ANKRD46: variants seen among roughly 807,000 people sequenced by gnomAD.
The protein encoded by ANKRD46 is ankyrin repeat domain 46.
Under a neutral mutation model 19.8 loss-of-function variants are expected in ANKRD46, and 13 were observed. That is an observed-to-expected ratio of 0.66 (90% confidence interval 0.43 to 1.04). The LOEUF is 1.04. Ranked by LOEUF, ANKRD46 falls within the 50% of genes least tolerant of loss-of-function variation. The probability of loss-of-function intolerance (pLI) is 0.00; values close to 1 mark genes in which losing one functional copy is unlikely to be tolerated. For missense variants in ANKRD46, 185 were observed against 274.8 expected (o/e 0.67, Z 2.31); for synonymous variants, 91 against 106.9 (o/e 0.85, Z 0.92).
chr8:100,552,769 C>T (rs1563493475), intron 1 of ANKRD46, among the ~76,000 whole-genome samples: 1 of 152,182 alleles, frequency 6.6e-6, no homozygotes, highest in East Asian at 1.9e-4. Flanking sequence ...AGCAAGTATA[C>T]AGAGTGAGGC....
intron 1 of ANKRD46, among the ~76,000 whole-genome samples, chr8:100,540,411 A>G (rs1160827701): frequency 6.6e-6 from 1 of 152,210 alleles, no homozygotes; most frequent in East Asian, 1.9e-4. Context: ...TCTAGCACAC[A>G]TAAGCCAAAT....
intron 1 of ANKRD46, among the ~76,000 whole-genome samples, chr8:100,558,269 A>G (rs1812539923): frequency 6.6e-6 from 1 of 152,212 alleles, no homozygotes; most frequent in Non-Finnish European, 1.5e-5. Context: ...AAAATTCCTT[A>G]TCACTTCACA....
Position 100,521,012 on chromosome 8 carries a change from T to C in ANKRD46, c.*1543A>G. 1 of 985,286 alleles carries C rather than the reference T, an allele frequency of 1.0e-6. No homozygotes were observed. The allele number at this position is 985,286 out of a possible 1,614,324, so 61.0% of individuals were successfully genotyped here. A position where few individuals can be genotyped will look rare whatever the true frequency, so the allele number is the denominator to read the frequency against. Reference sequence around the variant, plus strand: ...GTGTTCTCCATTCCAAAGCCAGCTGTTTTTTGCTGGATTTACACCAACTAT... The same window carrying C: ...GTGTTCTCCATTCCAAAGCCAGCTGCTTTTTGCTGGATTTACACCAACTAT... On this transcript the variant is annotated 3_prime_UTR_variant, in exon 5 of 5. Transcript: ENST00000335659.
rs1027862629 is a variant in ANKRD46 at position 100,510,627 on chromosome 8, TCA to T, written c.647_648del (p.Leu216GlnfsTer63). 4.4e-5 allele frequency: 68 copies of T among 1,534,700 alleles called. No individual in the cohort carries two copies. The highest frequency in any genetic ancestry group is 5.7e-5 in the Non-Finnish European group (65 of 1,146,314). ...TCTTGCCTTGCAAAGCTTCCAAGCC[TCA>T]GTGTCCTTCTCTGTAAATGTGGGGA... On this transcript the variant is annotated frameshift_variant, in exon 6 of 6. Coordinates refer to the ANKRD46 transcript ENST00000520552. LOFTEE classifies it low-confidence loss of function (END_TRUNC). The surrounding 1 kb of genome is among the most constrained non-coding windows in gnomAD (Gnocchi z 4.9).
chr8:100,526,070 A>G (rs1045216116), intron 4 of ANKRD46, among the ~76,000 whole-genome samples: 24 of 152,240 alleles, frequency 1.6e-4, no homozygotes, highest in Admixed American at 1.3e-4. Context: ...TAGGAAAACT[A>G]GGTAATAAAA....
At position 100,529,826 on chromosome 8, in the gene ANKRD46, T is replaced by TA. The variant is rs1426489763; in HGVS notation, c.7dup (p.Tyr3LeufsTer6). 1 of 1,613,996 alleles carries TA rather than the reference T, an allele frequency of 6.2e-7. No individual in the cohort carries two copies. The highest frequency in any genetic ancestry group is 2.2e-5 in the East Asian group (1 of 44,892). ...CTGAGAAGAATCATTTACAAAAACA[T>TA]ACGACATTGTTCTGATGTGGTGGAT... On this transcript the variant is annotated frameshift_variant, in exon 3 of 5. Coordinates refer to ENST00000335659, the MANE Select transcript of ANKRD46 (RefSeq NM_001270377.2). LOFTEE classifies it high-confidence loss of function. The surrounding 1 kb of genome is among the most constrained non-coding windows in gnomAD (Gnocchi z 5.8).
rs1812059075 is a variant in ANKRD46, at chr8:100,536,056, C to G, written c.-130-2745G>C. On this transcript the variant is annotated intron_variant, in intron 1 of 4. Transcript: ENST00000335659. The surrounding 1 kb of genome is among the most constrained non-coding windows in gnomAD (Gnocchi z 4.9). Reference sequence around the variant, plus strand: ...GGTGTCAGGTTATTTATGGAAGAACCTGTAGGACCAAGCATTTGCAAGGGC... The same window carrying G: ...GGTGTCAGGTTATTTATGGAAGAACGTGTAGGACCAAGCATTTGCAAGGGC... Among the ~76,000 whole-genome samples, 1 of 151,794 alleles carries G rather than the reference C, an allele frequency of 6.6e-6. No individual in the cohort carries two copies. Among genetic ancestry groups the G allele is most frequent in the South Asian group, 2.1e-4 (1 of 4,788 alleles).
chr8:100,522,960 C>T (rs1388654276), intron 4 of ANKRD46, among the ~76,000 whole-genome samples, 189 bp from the exon 5 acceptor site: 1 of 150,818 alleles, frequency 6.6e-6, no homozygotes, highest in Non-Finnish European at 1.5e-5. Context: ...ATATACTAAA[C>T]TGTAAATTGC....
At chr8:100,552,377 G>A (rs1443180280) in intron 1 of ANKRD46, among the ~76,000 whole-genome samples, 1 of 148,520 alleles carries the variant, frequency 6.7e-6, no homozygotes, top group Admixed American at 6.7e-5. Flanking sequence ...ACTATACTTT[G>A]GCGCTTTTTT....
chr8:100,513,081 G>A (rs997689805), intron 5 of ANKRD46, among the ~76,000 whole-genome samples: 2 of 152,176 alleles, frequency 1.3e-5, no homozygotes, highest in African/African-American at 4.8e-5. Context: ...TGATAATGTA[G>A]TTATACTTCC....
chr8:100,547,609 AAG>A (rs1812298399), intron 1 of ANKRD46, among the ~76,000 whole-genome samples: 2 of 152,170 alleles, frequency 1.3e-5, no homozygotes, highest in Admixed American at 6.5e-5. Context: ...GCAACAGAGT[AAG>A]ACCTTGTCTC....
downstream of ANKRD46, among the ~76,000 whole-genome samples, chr8:100,520,002 C>G (rs533502716): frequency 3.3e-5 from 5 of 152,310 alleles, no homozygotes; most frequent in African/African-American, 1.2e-4. Flanking sequence ...AGTCCCTGCT[C>G]TCATGAAGCT....
At chr8:100,516,367 T>C (rs1252851461), downstream of ANKRD46, among the ~76,000 whole-genome samples, 1 of 152,230 alleles carries the variant, frequency 6.6e-6, no homozygotes, top group African/African-American at 2.4e-5. Flanking sequence ...CAAGACTGCA[T>C]TTTGAATATG....
rs1450741849 is a variant in ANKRD46, at chr8:100,520,881, T to A, written c.*1674A>T. The stretch of plus-strand genomic sequence containing the variant: ...AGGAACCATTAATCTTTAAAAATGC[T>A]ATATACTTACATTTTGACCAATTTT... On this transcript the variant is annotated 3_prime_UTR_variant, in exon 5 of 5. Transcript: ENST00000335659. 1 of 983,682 alleles carries A rather than the reference T, an allele frequency of 1.0e-6. No individual in the cohort carries two copies. Among genetic ancestry groups the A allele is most frequent in the African/African-American group, 1.7e-5 (1 of 57,148 alleles). 60.9% of individuals were successfully genotyped at this position (983,682 alleles called of 1,614,324 possible).
At chr8:100,528,735 A>G (rs1475203173) in intron 3 of ANKRD46, among the ~76,000 whole-genome samples, 1 of 152,126 alleles carries the variant, frequency 6.6e-6, no homozygotes, top group Non-Finnish European at 1.5e-5. Context: ...ATCACATTAA[A>G]TCCTGCAGTC....
rs971840334 is a variant in ANKRD46 at position 100,536,562 on chromosome 8, C to T, written c.-130-3251G>A. On this transcript the variant is annotated intron_variant, in intron 1 of 4. Transcript: ENST00000335659. This position sits in a 1 kb window ranked among gnomAD's most constrained non-coding sequence, Gnocchi z 4.9. ...AAGAAAGCTTGCATACAGCACTGATCCCCTGGTAACAGAGCAGCTTCTGAT... is the reference window on the plus strand; with the variant it reads ...AAGAAAGCTTGCATACAGCACTGATTCCCTGGTAACAGAGCAGCTTCTGAT... 6.6e-6 allele frequency among the ~76,000 whole-genome samples: 1 copy of T among 152,074 alleles called. No homozygotes were observed. The highest frequency in any genetic ancestry group is 2.4e-5 in the African/African-American group (1 of 41,412).
chr8:100,542,270 A>C (rs1285243977), intron 1 of ANKRD46, among the ~76,000 whole-genome samples: 1 of 152,110 alleles, frequency 6.6e-6, no homozygotes, highest in Non-Finnish European at 1.5e-5. Context: ...TATTACACTC[A>C]CATCCTACCT....
chr8:100,520,803 T>C lies in ANKRD46; in HGVS notation c.*1752A>G. On this transcript the variant is annotated 3_prime_UTR_variant, in exon 5 of 5. Coordinates refer to ENST00000335659, the MANE Select transcript of ANKRD46 (RefSeq NM_001270377.2). ...GATATATAAATACATTTATTGGTGG[T>C]ATTCCTGAATGATGAATGCAGAGAA... 1.0e-6 allele frequency: 1 copy of C among 980,252 alleles called. No homozygotes were observed. The highest frequency in any genetic ancestry group is 1.2e-6 in the Non-Finnish European group (1 of 827,340). The allele number at this position is 980,252 out of a possible 1,614,324, so 60.7% of individuals were successfully genotyped here.
rs113998293 is a variant in ANKRD46 at position 100,556,023 on chromosome 8, C to T, written c.-131+3688G>A. Among the ~76,000 whole-genome samples the T allele has an allele frequency of 7.6e-3, 1,154 of 152,178 alleles. 18 individuals are homozygous for T. Among genetic ancestry groups the T allele is most frequent in the African/African-American group, 0.026 (1,070 of 41,512 alleles). ...CAGAAACAAGAACCTGAACTCATGC[C>T]TTAAGATAAAAATTGCATTCTTTTT... is the stretch of plus-strand genomic sequence containing the variant. On this transcript the variant is annotated intron_variant, in intron 1 of 4. Transcript: ENST00000335659.
Sources: gnomAD v4.1 joint callset for allele counts (sites outside exome capture counted in the v4.1 genomes callset) on GRCh38, gnomAD v4.1.1 for gene constraint, Gnocchi (gnomAD v3.1) non-coding constraint, MANE v1.5 for transcripts, NCBI Gene and HGNC (gene_info 2026-07-23, HGNC 2026-07-21) for gene names.